Variants in CFAP57 observed in about 807,000 individuals in gnomAD.
CFAP57 encodes the protein cilia- and flagella-associated protein 57.
Under a neutral mutation model 146.8 loss-of-function variants are expected in CFAP57, and 116 were observed. That is an observed-to-expected ratio of 0.79 (90% CI 0.68 to 0.92). The LOEUF (loss-of-function observed/expected upper bound fraction) is 0.92. CFAP57 is among the 40% of genes least tolerant of loss of function. CFAP57 has a pLI of 0.00. For synonymous variants in CFAP57, 518 were observed against 552.8 expected, an observed-to-expected ratio of 0.94 and a Z score of 0.88; for missense variants, 1,377 against 1,527.2, an observed-to-expected ratio of 0.90 and a Z score of 1.64.
Position 43,254,217 on chromosome 1 carries a change from C to T in CFAP57, c.*26C>T. 1 of 1,526,734 alleles carries T rather than the reference C, an allele frequency of 6.5e-7. No individual in the cohort carries two copies. Among genetic ancestry groups the T allele is most frequent in the Non-Finnish European group, 8.8e-7 (1 of 1,131,800 alleles). 94.6% of individuals were successfully genotyped at this position (1,526,734 alleles called of 1,614,324 possible). On this transcript the variant is annotated 3_prime_UTR_variant, in exon 23 of 23. Coordinates refer to ENST00000372492, the MANE Select transcript of CFAP57 (RefSeq NM_001378189.1). Reference sequence around the variant, plus strand: ...CCCCCTCTGGTGAGCCATCTCCAGCCACAGCCAGAAGAAACACAGCATGTC... The same window carrying T: ...CCCCCTCTGGTGAGCCATCTCCAGCTACAGCCAGAAGAAACACAGCATGTC...
chr1:43,234,729 A>G, intron 21 of CFAP57, 91 bp downstream of exon 21: 1 of 1,427,408 alleles, frequency 7.0e-7, no homozygotes, highest in Non-Finnish European at 9.3e-7. Flanking sequence ...ACCTGTCTTC[A>G]GGGCTCCCCA....
At chr1:43,176,135 C>A (rs1645163019) in intron 2 of CFAP57, among the ~76,000 whole-genome samples, 1 of 152,090 alleles carries the variant, frequency 6.6e-6, no homozygotes, top group Non-Finnish European at 1.5e-5. Flanking sequence ...CACCCTGTGC[C>A]CATCCTTCAG....
chr1:43,177,890 G>C (rs1015968443), intron 2 of CFAP57, among the ~76,000 whole-genome samples: 3 of 152,224 alleles, frequency 2.0e-5, no homozygotes, highest in African/African-American at 7.2e-5. Context: ...CCCTGCCCTA[G>C]GGCATGAATA....
chr1:43,227,693 C>G (rs1002124601), intron 18 of CFAP57, among the ~76,000 whole-genome samples: 1 of 152,136 alleles, frequency 6.6e-6, no homozygotes. Context: ...TCTGAGAATC[C>G]TGTGAGGTCC....
intron 21 of CFAP57, among the ~76,000 whole-genome samples, chr1:43,237,127 A>G (rs1294618478): frequency 6.6e-6 from 1 of 152,122 alleles, no homozygotes; most frequent in Non-Finnish European, 1.5e-5. Flanking sequence ...GTCAGGAGCC[A>G]GCTGGACCTC....
chr1:43,228,660 C>G (rs572700451), intron 18 of CFAP57, among the ~76,000 whole-genome samples: 5 of 149,402 alleles, frequency 3.3e-5, no homozygotes, highest in African/African-American at 1.2e-4. Context: ...CAGCTGACCA[C>G]AGACCTGCCT....
intron 22 of CFAP57, among the ~76,000 whole-genome samples, chr1:43,247,898 G>A (rs563180627): frequency 1.3e-5 from 2 of 152,172 alleles, no homozygotes; most frequent in South Asian, 4.2e-4. Context: ...GGCCAACGTG[G>A]GTGGATCACG....
At chr1:43,202,011 G>A (rs566129383) in intron 9 of CFAP57, among the ~76,000 whole-genome samples, 10 of 152,264 alleles carry the variant, frequency 6.6e-5, no homozygotes, top group Admixed American at 1.3e-4. Flanking sequence ...AGTACAGAAA[G>A]TGATTCTGAT....
chr1:43,181,968 C>A (rs886131107), intron 3 of CFAP57, 118 bp downstream of exon 3: 26 of 1,177,804 alleles, frequency 2.2e-5, no homozygotes, highest in Admixed American at 5.9e-5. Flanking sequence ...TTTATTCTTA[C>A]AACAACCGTA....
chr1:43,203,846 AG>A, intron 9 of CFAP57, among the ~76,000 whole-genome samples: 1 of 152,216 alleles, frequency 6.6e-6, no homozygotes, highest in South Asian at 2.1e-4. Flanking sequence ...TCCTACTTGG[AG>A]TTTATTGTAC....
chr1:43,198,207 G>A (rs1386203553), intron 7 of CFAP57, among the ~76,000 whole-genome samples: 1 of 152,100 alleles, frequency 6.6e-6, no homozygotes, highest in Non-Finnish European at 1.5e-5. Context: ...GGCTTCTGGG[G>A]AAAAAATACT....
At chr1:43,180,238 T>TATATATATAA (rs1363991276) in intron 2 of CFAP57, among the ~76,000 whole-genome samples, 7 of 137,814 alleles carry the variant, frequency 5.1e-5, no homozygotes, top group African/African-American at 1.8e-4. Flanking sequence ...TATATATATA[T>TATATATATAA]AAAATATATA....
rs1370694150 is a variant in CFAP57 at position 43,222,158 on chromosome 1, C to A, written c.2395C>A (p.Gln799Lys). Residue 799 changes from glutamine (Q) to lysine (K), a missense_variant, in exon 15 of 23, where the codon CAG becomes AAG. By Grantham distance (53) the Gln-to-Lys change is moderately conservative. Coordinates refer to ENST00000372492, the MANE Select transcript of CFAP57 (RefSeq NM_001378189.1). ...LLEYEKYQEL[Q>K]LKSQRMQEEY... ...AGAATATGAGAAGTACCAGGAGCTG[C>A]AGCTCAAGTCCCAGAGGATGCAGGA... 6.5e-7 allele frequency: 1 copy of A among 1,548,428 alleles called. No homozygotes were observed. Among genetic ancestry groups the A allele is most frequent in the South Asian group, 1.2e-5 (1 of 83,724 alleles).
chr1:43,249,737 G>A (rs755021811), intron 22 of CFAP57, among the ~76,000 whole-genome samples: 25 of 151,126 alleles, frequency 1.7e-4, no homozygotes, highest in African/African-American at 5.4e-4. Flanking sequence ...GAGCCACTGC[G>A]CCTGGCCCAA....
At chr1:43,244,968 T>C (rs184294695) in intron 22 of CFAP57, among the ~76,000 whole-genome samples, 37 of 152,034 alleles carry the variant, frequency 2.4e-4, no homozygotes, top group Non-Finnish European at 2.9e-5. Flanking sequence ...GAAACCATCT[T>C]CTCTTGAAAA....
chr1:43,223,516 T>A (rs1645131409), intron 16 of CFAP57, among the ~76,000 whole-genome samples: 1 of 151,824 alleles, frequency 6.6e-6, no homozygotes, highest in Non-Finnish European at 1.5e-5. Context: ...CCATCAGGGG[T>A]GAGGGAGGAT....
At chr1:43,230,139 A>G (rs1490945232) in intron 18 of CFAP57, among the ~76,000 whole-genome samples, 1 of 152,210 alleles carries the variant, frequency 6.6e-6, no homozygotes, top group Non-Finnish European at 1.5e-5. Context: ...GAAAAAATGA[A>G]CAGAAGTAAA....
intron 3 of CFAP57, among the ~76,000 whole-genome samples, chr1:43,183,006 C>T (rs912942053): frequency 1.3e-5 from 2 of 152,214 alleles, no homozygotes; most frequent in Non-Finnish European, 2.9e-5. Flanking sequence ...CAGCCACAGC[C>T]CCCGGTCAGC....
chr1:43,205,835 T>G (rs994088786), intron 9 of CFAP57, among the ~76,000 whole-genome samples: 1 of 152,028 alleles, frequency 6.6e-6, no homozygotes, highest in Non-Finnish European at 1.5e-5. Context: ...CTGCCCAGAG[T>G]GCACAGCAGT....
Sources: gnomAD v4.1 joint callset for allele counts (sites outside exome capture counted in the v4.1 genomes callset) on GRCh38, gnomAD v4.1.1 for gene constraint, MANE v1.5 for transcripts, NCBI Gene and HGNC (gene_info 2026-07-23, HGNC 2026-07-21) for gene names.